Variants in MTTP observed in about 807,000 individuals in gnomAD.
MTTP encodes microsomal triglyceride transfer protein, also known as microsomal triglyceride transfer protein large subunit.
In MTTP, 49 loss-of-function variants were observed where a neutral mutation model predicts 90.6. The observed-to-expected ratio is 0.54, with a 90% CI of 0.43 to 0.69. MTTP has a LOEUF of 0.69. MTTP is among the 30% of genes least tolerant of loss of function. The probability of loss-of-function intolerance (pLI) is 0.00; values close to 1 mark genes in which losing one functional copy is unlikely to be tolerated. For missense variants in MTTP, 945 were observed against 1,067.5 expected (o/e 0.89, Z 1.60); for synonymous variants, 347 against 384.2 (o/e 0.90, Z 1.13).
chr4:99,593,145 T>A (rs945373791), intron 6 of MTTP, among the ~76,000 whole-genome samples: 5 of 152,310 alleles, frequency 3.3e-5, no homozygotes, highest in Non-Finnish European at 7.4e-5. Context: ...AACTGTGAGC[T>A]CCTTGAAAAT....
At chr4:99,568,347 G>T (rs890259841) in intron 1 of MTTP, among the ~76,000 whole-genome samples, 3 of 152,238 alleles carry the variant, frequency 2.0e-5, no homozygotes, top group Admixed American at 1.3e-4. Flanking sequence ...AAAGTCAATT[G>T]CCTTCCTATA....
chr4:99,618,856 C>T (rs554454993), intron 15 of MTTP, 118 bp from the exon 16 acceptor site: 179 of 1,367,012 alleles, frequency 1.3e-4, no homozygotes, highest in Non-Finnish European at 1.6e-4. Flanking sequence ...AAGACTCCAA[C>T]ATCAACACAA....
Position 99,597,223 on chromosome 4 carries a change from T to C in MTTP, c.1066T>C (p.Leu356=). Residue 356 remains leucine, a splice_region_variant and synonymous_variant, in exon 8 of 18, where the codon TTA becomes CTA. Transcript: ENST00000265517. ...ACTAAAGATGGAAAATAAGGAAGTA[T>C]TGTAAGTTCCCCAACCTTTGTGTGG... ...QILKMENKEV[L]PQLVDAVTSA... The C allele has an allele frequency of 6.2e-7, 1 of 1,613,090 alleles. No individual in the cohort carries two copies. Among genetic ancestry groups the C allele is most frequent in the Non-Finnish European group, 8.5e-7 (1 of 1,179,702 alleles).
rs1205294912 is a variant in MTTP, at chr4:99,588,745, TCATATATATACACA to T, written c.394-887_394-874del. On this transcript the variant is annotated intron_variant, in intron 3 of 17. Transcript: ENST00000265517. ...TATATATACACACATATATATATGT[TCATATATATACACA>T]CATATATATATGTTCATATATATAC... Among the ~76,000 whole-genome samples, 12 of 115,030 alleles carry T rather than the reference TCATATATATACACA, an allele frequency of 1.0e-4. No homozygotes were observed. In the South Asian group the frequency reaches 3.0e-3, roughly 29 times the overall value. 75.5% of individuals were successfully genotyped at this position (115,030 alleles called of 152,430 possible). A position where few individuals can be genotyped will look rare whatever the true frequency, so the allele number is the denominator to read the frequency against.
chr4:99,568,804 C>A (rs1724766382), intron 1 of MTTP, among the ~76,000 whole-genome samples: 1 of 152,114 alleles, frequency 6.6e-6, no homozygotes, highest in African/African-American at 2.4e-5. Context: ...AAAGATAGAA[C>A]AATTGTTGCA....
chr4:99,578,054 A>G (rs1159626394), intron 1 of MTTP, among the ~76,000 whole-genome samples: 3 of 152,018 alleles, frequency 2.0e-5, no homozygotes, highest in African/African-American at 4.8e-5. Context: ...CACCCTTATC[A>G]TCACTGCATG....
At chr4:99,605,116 T>A (rs1317643313) in intron 10 of MTTP, among the ~76,000 whole-genome samples, 2 of 152,174 alleles carry the variant, frequency 1.3e-5, no homozygotes, top group Non-Finnish European at 2.9e-5. Context: ...TTCTTGAACA[T>A]GTGAAATAGT....
At chr4:99,571,958 T>C (rs1724850944), upstream of MTTP, among the ~76,000 whole-genome samples, 1 of 151,786 alleles carries the variant, frequency 6.6e-6, no homozygotes, top group South Asian at 2.1e-4. Context: ...AAACAGACTG[T>C]TTTTTCACAT....
chr4:99,595,263 C>T (rs1439579767), intron 7 of MTTP, among the ~76,000 whole-genome samples: 14 of 152,144 alleles, frequency 9.2e-5, no homozygotes, highest in Admixed American at 9.2e-4. Flanking sequence ...ACATACTTTA[C>T]TGGCCTCAGT....
In MTTP at chr4:99,582,631, C is replaced by G. The variant is rs149175801; in HGVS notation, c.249+539C>G. Among the ~76,000 whole-genome samples, 23 of 152,246 alleles carry G rather than the reference C, an allele frequency of 1.5e-4. 1 individual carries two copies. Among genetic ancestry groups the G allele is most frequent in the Non-Finnish European group, 4.4e-5 (3 of 68,008 alleles). On this transcript the variant is annotated intron_variant, in intron 2 of 17. Transcript: ENST00000265517. Reference sequence around the variant, plus strand: ...GAGAAGGGAGGCCAAATTAGTTGGTCTCTGGGGACTTTTCCAATTGTAATA... The same window carrying G: ...GAGAAGGGAGGCCAAATTAGTTGGTGTCTGGGGACTTTTCCAATTGTAATA...
intron 10 of MTTP, among the ~76,000 whole-genome samples, chr4:99,606,219 C>T (rs887856324): frequency 2.6e-5 from 4 of 152,102 alleles, no homozygotes; most frequent in African/African-American, 9.7e-5. Flanking sequence ...AAGTACCTAC[C>T]ACATAGGAGG....
chr4:99,604,078 GT>G (rs1365473757), intron 10 of MTTP, among the ~76,000 whole-genome samples: 1 of 152,056 alleles, frequency 6.6e-6, no homozygotes, highest in Non-Finnish European at 1.5e-5. Context: ...TGTAGTAAAG[GT>G]TCAGTTTTTC....
intron 12 of MTTP, among the ~76,000 whole-genome samples, chr4:99,610,261 T>G (rs1408299751): frequency 6.6e-6 from 1 of 152,190 alleles, no homozygotes; most frequent in Non-Finnish European, 1.5e-5. Context: ...ATCTTCCTAT[T>G]GGCTCTGGTT....
At chr4:99,571,726 T>C (rs1361165509), upstream of MTTP, among the ~76,000 whole-genome samples, 2 of 152,072 alleles carry the variant, frequency 1.3e-5, no homozygotes, top group Non-Finnish European at 2.9e-5. Flanking sequence ...TGTATTCCTA[T>C]ATAATTTTGC....
At chr4:99,618,571 G>A (rs1726151834) in intron 15 of MTTP, among the ~76,000 whole-genome samples, 1 of 152,160 alleles carries the variant, frequency 6.6e-6, no homozygotes. Flanking sequence ...TAGATTGCTA[G>A]ACCCCATCCT....
rs745438490 is a variant in MTTP, at chr4:99,621,097, C to A, written c.2379C>A (p.Asp793Glu). 1.2e-6 allele frequency: 2 copies of A among 1,614,092 alleles called. No individual in the cohort carries two copies. Among genetic ancestry groups the A allele is most frequent in the South Asian group, 2.2e-5 (2 of 91,080 alleles). Reference protein sequence around the residue: ...TVVITTDITVDSSFVKAGLET... With the variant: ...TVVITTDITVESSFVKAGLET... The stretch of plus-strand genomic sequence containing the variant: ...TAATAACCACTGACATCACAGTGGA[C>A]TCCTCTTTTGTGAAAGCTGGCCTGG... The change falls in exon 17 of 18, where the codon GAC becomes GAA. Residue 793 changes from aspartate (D) to glutamate (E), a missense_variant. Asp to Glu is a conservative substitution (Grantham distance 45, BLOSUM62 2). Transcript: ENST00000265517.
At chr4:99,580,779 A>G (rs1367026104) in intron 1 of MTTP, among the ~76,000 whole-genome samples, 1 of 151,986 alleles carries the variant, frequency 6.6e-6, no homozygotes, top group Non-Finnish European at 1.5e-5. Context: ...TTTGACCACC[A>G]TTTCCTCTGG....
upstream of MTTP, chr4:99,574,773 C>G (rs1724912347): frequency 1.3e-6 from 2 of 1,578,026 alleles, no homozygotes; most frequent in African/African-American, 2.7e-5. Flanking sequence ...AGTTTGGAGT[C>G]TGACCTTTCC....
chr4:99,620,872 A>C (rs146313211), intron 16 of MTTP, 189 bp from the exon 17 acceptor site: 1 of 607,100 alleles, frequency 1.6e-6, no homozygotes, highest in African/African-American at 1.9e-5. Context: ...TCCCTGCCCA[A>C]TATCTGAGAC....
Sources: gnomAD v4.1 joint callset for allele counts (sites outside exome capture counted in the v4.1 genomes callset) on GRCh38, gnomAD v4.1.1 for gene constraint, MANE v1.5 for transcripts, NCBI Gene and HGNC (gene_info 2026-07-23, HGNC 2026-07-21) for gene names.